Variants in ZNF660 observed in about 807,000 individuals in gnomAD.
ZNF660 encodes the protein zinc finger protein 660.
ZNF660 carries 24 observed loss-of-function variants against 23.2 expected under a neutral mutation model. The observed-to-expected ratio is 1.04, with a 90% CI of 0.75 to 1.46. The LOEUF (loss-of-function observed/expected upper bound fraction) is 1.46, where lower values mean the gene tolerates loss of function less well. ZNF660 is among the 40% of genes most tolerant of loss of function. The probability of loss-of-function intolerance (pLI) is 0.00; values close to 1 mark genes in which losing one functional copy is unlikely to be tolerated. For missense variants in ZNF660, 373 were observed against 396.8 expected (o/e 0.94, Z 0.51); for synonymous variants, 117 against 131.4 (o/e 0.89, Z 0.75).
At chr3:44,587,960 C>T (rs557247878) in intron 2 of ZNF660, among the ~76,000 whole-genome samples, 5 of 152,250 alleles carry the variant, frequency 3.3e-5, no homozygotes, top group African/African-American at 1.2e-4. Context: ...GAGGCTGAGG[C>T]AGAGGAATCA....
At chr3:44,590,800 T>A (rs1259728592) in intron 2 of ZNF660, among the ~76,000 whole-genome samples, 2 of 152,230 alleles carry the variant, frequency 1.3e-5, no homozygotes, top group Non-Finnish European at 2.9e-5. Flanking sequence ...TCTACTGCTC[T>A]GCATTGCAGT....
rs755491202 is a variant in ZNF660 at position 44,596,839 on chromosome 3, C to G, written c.*1650C>G. On this transcript the variant is annotated 3_prime_UTR_variant, in exon 3 of 3. Transcript: ENST00000322734. ...GAGCAATCAATACAACAGATGTTTT[C>G]TATCTTCCTCTGCCTTTCTTTATGA... is the stretch of plus-strand genomic sequence containing the variant. The G allele has an allele frequency of 6.6e-5, 10 of 152,192 alleles. No individual in the cohort carries two copies. The highest frequency in any genetic ancestry group is 1.2e-4 in the Non-Finnish European group (8 of 68,044). 9.4% of individuals were successfully genotyped at this position (152,192 alleles called of 1,614,324 possible).
intron 2 of ZNF660, among the ~76,000 whole-genome samples, chr3:44,589,030 C>T (rs1256080591): frequency 6.6e-6 from 1 of 152,166 alleles, no homozygotes; most frequent in East Asian, 1.9e-4. Context: ...AATAGCTAGA[C>T]TTCATTGTTC....
At chr3:44,590,610 C>A (rs1238369488) in intron 2 of ZNF660, among the ~76,000 whole-genome samples, 1 of 152,174 alleles carries the variant, frequency 6.6e-6, no homozygotes, top group Non-Finnish European at 1.5e-5. Context: ...GACAATGCTT[C>A]TTTAAATTTT....
At position 44,594,573 on chromosome 3, in the gene ZNF660, T is replaced by G. The variant is rs1448671577; in HGVS notation, c.380T>G (p.Ile127Ser). 11 of 1,614,006 alleles carry G rather than the reference T, an allele frequency of 6.8e-6. No homozygotes were observed. The highest frequency in any genetic ancestry group is 9.3e-6 in the Non-Finnish European group (11 of 1,180,032). ...TCACATCTTATTCGGCACCAGGGAA[T>G]CCACAGTGGGGAGAAAACTTATGAA... ...GKSHLIRHQG[I>S]HSGEKTYECK... Residue 127 changes from isoleucine to serine, a missense_variant, in exon 3 of 3, where the codon ATC becomes AGC. Physicochemically the swap from Ile to Ser is moderately radical, Grantham distance 142. Transcript: ENST00000322734.
chr3:44,588,952 C>T (rs1218005724), intron 2 of ZNF660, among the ~76,000 whole-genome samples: 1 of 152,196 alleles, frequency 6.6e-6, no homozygotes, highest in Non-Finnish European at 1.5e-5. Context: ...GGATTGTTTC[C>T]TTCAGTCCAT....
chr3:44,596,819 A>C lies in ZNF660; in HGVS notation c.*1630A>C, dbSNP rs992969057. ...AGAAGGGACGGAGAGGTGTTGAGCA[A>C]TCAATACAACAGATGTTTTCTATCT... is the stretch of plus-strand genomic sequence containing the variant. On this transcript the variant is annotated 3_prime_UTR_variant, in exon 3 of 3. Transcript: ENST00000322734. The C allele has an allele frequency of 6.6e-6, 1 of 152,222 alleles. No homozygotes were observed. Among genetic ancestry groups the C allele is most frequent in the Non-Finnish European group, 1.5e-5 (1 of 68,040 alleles). The allele number at this position is 152,222 out of a possible 1,614,324, so 9.4% of individuals were successfully genotyped here.
chr3:44,599,310 C>G lies in ZNF660; in HGVS notation c.*4121C>G, dbSNP rs1368104205. ...CTTGAGTAGAGGGCAATACGTAAGA[C>G]AAAGAATTCTGCTTAGAGAGGAAAG... is the stretch of plus-strand genomic sequence containing the variant. On this transcript the variant is annotated 3_prime_UTR_variant, in exon 3 of 3. Coordinates refer to ENST00000322734, the MANE Select transcript of ZNF660 (RefSeq NM_173658.4). 1.3e-5 allele frequency: 2 copies of G among 152,092 alleles called. No individual in the cohort carries two copies. Among genetic ancestry groups the G allele is most frequent in the African/African-American group, 4.8e-5 (2 of 41,398 alleles). The allele number at this position is 152,092 out of a possible 1,614,324, so 9.4% of individuals were successfully genotyped here.
intron 2 of ZNF660, among the ~76,000 whole-genome samples, chr3:44,591,557 A>C (rs910437378): frequency 6.6e-6 from 1 of 152,358 alleles, no homozygotes; most frequent in African/African-American, 2.4e-5. Flanking sequence ...TTGTGTGTAT[A>C]AAGAGATTAT....
In ZNF660 at chr3:44,594,582, G is replaced by A. The variant is rs1700545413; in HGVS notation, c.389G>A (p.Gly130Glu). 1 of 1,613,676 alleles carries A rather than the reference G, an allele frequency of 6.2e-7. No individual in the cohort carries two copies. Among genetic ancestry groups the A allele is most frequent in the Admixed American group, 1.7e-5 (1 of 59,960 alleles). The change falls in exon 3 of 3, where the codon GGG (glycine) becomes GAG (glutamate). Residue 130 changes from glycine to glutamate, a missense_variant. Coordinates refer to ENST00000322734, the MANE Select transcript of ZNF660 (RefSeq NM_173658.4). Reference sequence around the variant, plus strand: ...ATTCGGCACCAGGGAATCCACAGTGGGGAGAAAACTTATGAATGTAAAGAG... The same window carrying A: ...ATTCGGCACCAGGGAATCCACAGTGAGGAGAAAACTTATGAATGTAAAGAG... Reference protein sequence around the residue: ...HLIRHQGIHSGEKTYECKECG... With the variant: ...HLIRHQGIHSEEKTYECKECG...
rs1465165714 is a variant in ZNF660 at position 44,594,830 on chromosome 3, A to C, written c.637A>C (p.Thr213Pro). The change falls in exon 3 of 3, where the codon ACT (threonine) becomes CCT (proline). Residue 213 changes from threonine (T) to proline (P), a missense_variant. Thr to Pro is a conservative substitution (Grantham distance 38). Transcript: ENST00000322734. ...GATTATGGACCATCAGAGAATTCAC[A>C]CTGGAGAGAAGCCTTATGAATGTGA... ...TKIMDHQRIH[T>P]GEKPYECDEC... 6.2e-7 allele frequency: 1 copy of C among 1,614,206 alleles called. No homozygotes were observed. Among genetic ancestry groups the C allele is most frequent in the Middle Eastern group, 1.7e-4 (1 of 6,056 alleles).
intron 2 of ZNF660, among the ~76,000 whole-genome samples, chr3:44,589,049 C>T (rs143570190): frequency 6.6e-6 from 1 of 152,174 alleles, no homozygotes; most frequent in Non-Finnish European, 1.5e-5. Flanking sequence ...TCTCTGTTCT[C>T]TCATCTTGGA....
rs111478928 is a variant in ZNF660, at chr3:44,591,653, A to C, written c.-180-2361A>C. The stretch of plus-strand genomic sequence containing the variant: ...ATGGTAGGTAAATTAGAAGGAATTC[A>C]ATGATCATATGAAGATTAAATAGCA... On this transcript the variant is annotated intron_variant, in intron 2 of 2. Transcript: ENST00000322734. Among the ~76,000 whole-genome samples the C allele has an allele frequency of 2.3e-3, 351 of 152,352 alleles. 2 individuals carry two copies. The highest frequency in any genetic ancestry group is 3.9e-3 in the Non-Finnish European group (266 of 68,032).
chr3:44,589,058 G>C (rs1340643151), intron 2 of ZNF660, among the ~76,000 whole-genome samples: 1 of 152,128 alleles, frequency 6.6e-6, no homozygotes, highest in Admixed American at 6.5e-5. Context: ...TCTCATCTTG[G>C]ATTAGGGTCT....
Position 44,599,370 on chromosome 3 carries a change from T to C in ZNF660, c.*4181T>C, listed in dbSNP as rs1195361824. On this transcript the variant is annotated 3_prime_UTR_variant, in exon 3 of 3. Transcript: ENST00000322734. ...GGACTTAGAAATCTTTTTTCATAGATGGTGCGTCCTGTGTTAGGTATTACT... is the reference window on the plus strand; with the variant it reads ...GGACTTAGAAATCTTTTTTCATAGACGGTGCGTCCTGTGTTAGGTATTACT... 1 of 152,208 alleles carries C rather than the reference T, an allele frequency of 6.6e-6. No homozygotes were observed. The highest frequency in any genetic ancestry group is 1.5e-5 in the Non-Finnish European group (1 of 68,038). The allele number at this position is 152,208 out of a possible 1,614,324, so 9.4% of individuals were successfully genotyped here.
intron 2 of ZNF660, among the ~76,000 whole-genome samples, chr3:44,589,700 G>T (rs1700351301): frequency 1.3e-5 from 2 of 152,250 alleles, no homozygotes; most frequent in South Asian, 4.1e-4. Flanking sequence ...GTTTAGAACT[G>T]GTTTCCCTTT....
intron 2 of ZNF660, chr3:44,587,223 T>C (rs1700254729): frequency 6.6e-6 from 1 of 152,176 alleles, no homozygotes; most frequent in Non-Finnish European, 1.5e-5. Flanking sequence ...CAGATGATGC[T>C]GGTGAATTAA....
rs181109513 is a variant in ZNF660 at position 44,597,627 on chromosome 3, T to C, written c.*2438T>C. The C allele has an allele frequency of 2.1e-4, 32 of 152,360 alleles. No homozygotes were observed. The highest frequency in any genetic ancestry group is 7.5e-4 in the African/African-American group (31 of 41,574). 9.4% of individuals were successfully genotyped at this position (152,360 alleles called of 1,614,324 possible). A position where few individuals can be genotyped will look rare whatever the true frequency, so the allele number is the denominator to read the frequency against. ...CCTGGTCTATCATTCCTGAGCAGAA[T>C]TGTTGATGCTTTATATATTGCTGAG... On this transcript the variant is annotated 3_prime_UTR_variant, in exon 3 of 3. Coordinates refer to ENST00000322734, the MANE Select transcript of ZNF660 (RefSeq NM_173658.4). This position sits in a 1 kb window ranked among gnomAD's most constrained non-coding sequence, Gnocchi z 4.1.
intron 2 of ZNF660, among the ~76,000 whole-genome samples, chr3:44,588,284 A>T (rs755690102): frequency 2.2e-4 from 34 of 152,060 alleles, no homozygotes; most frequent in Non-Finnish European, 4.4e-4. Context: ...GATACCACAC[A>T]CTTTTAAACA....
Sources: allele counts gnomAD v4.1 joint callset (sites outside exome capture counted in the v4.1 genomes callset), GRCh38; gene constraint gnomAD v4.1.1; non-coding constraint Gnocchi (gnomAD v3.1); transcripts MANE v1.5; gene names NCBI Gene and HGNC (gene_info 2026-07-23, HGNC 2026-07-21).